The following ZMAT3 variants were observed in gnomAD, a reference collection of about 807,000 sequenced individuals.
The protein encoded by ZMAT3 is zinc finger matrin-type 3.
A neutral mutation model predicts 32.3 loss-of-function variants in ZMAT3; 17 were observed. The ratio of observed to expected loss-of-function variants is 0.53; its 90% CI spans 0.36 to 0.79. The LOEUF (loss-of-function observed/expected upper bound fraction) is 0.79. ZMAT3 is among the 30% of genes least tolerant of loss of function. The probability of loss-of-function intolerance (pLI) is 0.00; values close to 1 mark genes in which losing one functional copy is unlikely to be tolerated. For missense variants in ZMAT3, 329 were observed against 359.7 expected (o/e 0.91, Z 0.69); for synonymous variants, 120 against 133.1 (o/e 0.90, Z 0.68).
chr3:179,043,188 ACC>A (rs1720048190), intron 2 of ZMAT3, among the ~76,000 whole-genome samples: 1 of 152,222 alleles, frequency 6.6e-6, no homozygotes, highest in South Asian at 2.1e-4. Flanking sequence ...CCATCAAGCT[ACC>A]AATGACTTTC....
intron 1 of ZMAT3, among the ~76,000 whole-genome samples, chr3:179,068,629 C>T (rs543674888): frequency 6.6e-6 from 1 of 152,184 alleles, no homozygotes; most frequent in East Asian, 1.9e-4. Flanking sequence ...ACTTATAGAA[C>T]TAGCTAAAAT....
At chr3:179,054,387 T>C (rs78525485) in intron 2 of ZMAT3, among the ~76,000 whole-genome samples, 6,289 of 152,306 alleles carry the variant, frequency 0.041, 173 homozygotes, top group Non-Finnish European at 0.06. Context: ...CAACATCAAA[T>C]ACTAGTCTGA....
In ZMAT3 at chr3:179,046,436, A is replaced by G. The variant is rs907347878; in HGVS notation, c.271-15437T>C. Among the ~76,000 whole-genome samples the G allele has an allele frequency of 1.3e-5, 2 of 152,206 alleles. No homozygotes were observed. The highest frequency in any genetic ancestry group is 2.9e-5 in the Non-Finnish European group (2 of 68,034). On this transcript the variant is annotated intron_variant, in intron 2 of 5. Transcript: ENST00000311417. This position sits in a 1 kb window ranked among gnomAD's most constrained non-coding sequence, Gnocchi z 4.3. ...CTCAGATGGACAGAGCAGTGTGTGG[A>G]GACCCATATCATGAAATTTTGCTCC...
chr3:179,054,064 T>C (rs1166689454), intron 2 of ZMAT3, among the ~76,000 whole-genome samples: 1 of 152,204 alleles, frequency 6.6e-6, no homozygotes, highest in Non-Finnish European at 1.5e-5. Flanking sequence ...CAGGAATTAT[T>C]TGTACTACTT....
chr3:179,035,074 C>T lies in ZMAT3; in HGVS notation c.271-4075G>A, dbSNP rs575007562. Among the ~76,000 whole-genome samples the T allele has an allele frequency of 1.2e-4, 19 of 152,284 alleles. No individual in the cohort carries two copies. In the South Asian group the frequency reaches 3.7e-3, roughly 30 times the overall value. Reference sequence around the variant, plus strand: ...TTCTTGACATGAATCAGTTCCATGTCACTCCCTCACATAAAACTCTTCCAA... The same window carrying T: ...TTCTTGACATGAATCAGTTCCATGTTACTCCCTCACATAAAACTCTTCCAA... On this transcript the variant is annotated intron_variant, in intron 2 of 5. Coordinates refer to ENST00000311417, the MANE Select transcript of ZMAT3 (RefSeq NM_022470.4).
rs1718394406 is a variant in ZMAT3 at position 179,018,694 on chromosome 3, TA to T, written c.*6322del. ...GTGGGCATAAAAATAAAGGCATATG[TA>T]AAAATAATTTTTTCTAAACATGACT... On this transcript the variant is annotated 3_prime_UTR_variant, in exon 6 of 6. Coordinates refer to ENST00000311417, the MANE Select transcript of ZMAT3 (RefSeq NM_022470.4). 1 of 152,166 alleles carries T rather than the reference TA, an allele frequency of 6.6e-6. No homozygotes were observed. The highest frequency in any genetic ancestry group is 2.1e-4 in the South Asian group (1 of 4,822). 9.4% of individuals were successfully genotyped at this position (152,166 alleles called of 1,614,324 possible).
chr3:179,032,826 T>C (rs1450507630), intron 2 of ZMAT3, among the ~76,000 whole-genome samples: 1 of 150,944 alleles, frequency 6.6e-6, no homozygotes, highest in East Asian at 2.0e-4. Context: ...ATCTGGGAAG[T>C]GAGGAGCGTC....
chr3:179,049,451 A>G (rs1720422719), intron 2 of ZMAT3, among the ~76,000 whole-genome samples: 1 of 152,204 alleles, frequency 6.6e-6, no homozygotes, highest in South Asian at 2.1e-4. Context: ...AAGAAAATCG[A>G]ACTTATAGCA....
chr3:179,067,655 A>G lies in ZMAT3; in HGVS notation c.98T>C (p.Leu33Pro). 2 of 1,614,144 alleles carry G rather than the reference A, an allele frequency of 1.2e-6. No individual in the cohort carries two copies. Among genetic ancestry groups the G allele is most frequent in the Non-Finnish European group, 1.7e-6 (2 of 1,180,016 alleles). The change falls in exon 2 of 6, where the codon CTT becomes CCT. Residue 33 changes from leucine (L) to proline (P), a missense_variant. Transcript: ENST00000311417. ...VATRSTGTLQ[L>P]PPQKPFGQEA... ...CTGCCCAAAAGGCTTCTGTGGTGGA[A>G]GCTGCAAGGTTCCTGTAGACCTGGT... is the stretch of plus-strand genomic sequence containing the variant.
chr3:179,065,028 C>G (rs1721334419), intron 2 of ZMAT3, among the ~76,000 whole-genome samples: 1 of 152,174 alleles, frequency 6.6e-6, no homozygotes, highest in Admixed American at 6.5e-5. Flanking sequence ...CCTTAGTTGT[C>G]TGTTAAAACC....
At position 179,024,551 on chromosome 3, in the gene ZMAT3, C is replaced by A. The variant is rs892980435; in HGVS notation, c.*466G>T. ...TTCTACTGACAATGCATTGAGGTGG[C>A]GGTTCTGGTTAAGCCCTGGGAAACT... On this transcript the variant is annotated 3_prime_UTR_variant, in exon 6 of 6. Coordinates refer to ENST00000311417, the MANE Select transcript of ZMAT3 (RefSeq NM_022470.4). 2 of 161,380 alleles carry A rather than the reference C, an allele frequency of 1.2e-5. No individual in the cohort carries two copies. The highest frequency in any genetic ancestry group is 2.8e-5 in the Non-Finnish European group (2 of 72,436). The allele number at this position is 161,380 out of a possible 1,614,324, so 10.0% of individuals were successfully genotyped here.
intron 2 of ZMAT3, among the ~76,000 whole-genome samples, chr3:179,060,111 C>T (rs977138341): frequency 6.6e-6 from 1 of 152,000 alleles, no homozygotes; most frequent in Non-Finnish European, 1.5e-5. Context: ...TGTATGGGAG[C>T]TCTTGTTTTC....
chr3:179,058,539 G>A lies in ZMAT3; in HGVS notation c.270+8944C>T, dbSNP rs374636105. Reference sequence around the variant, plus strand: ...TGGGAGGCCGAGGCGGGCGGATCACGAGGTCAGGAGATCGAGACCATCCTA... The same window carrying A: ...TGGGAGGCCGAGGCGGGCGGATCACAAGGTCAGGAGATCGAGACCATCCTA... On this transcript the variant is annotated intron_variant, in intron 2 of 5. Transcript: ENST00000311417. 4.7e-4 allele frequency among the ~76,000 whole-genome samples: 71 copies of A among 152,174 alleles called. 1 individual carries two copies. The South Asian group carries it at 0.012, about 27-fold the overall frequency.
At chr3:179,040,314 G>A (rs1163840791) in intron 2 of ZMAT3, among the ~76,000 whole-genome samples, 1 of 152,204 alleles carries the variant, frequency 6.6e-6, no homozygotes, top group Non-Finnish European at 1.5e-5. Context: ...AGGAAAAAAT[G>A]TTAAGGGCAG....
intron 2 of ZMAT3, among the ~76,000 whole-genome samples, chr3:179,039,375 C>T (rs181345420): frequency 6.2e-4 from 95 of 152,300 alleles, no homozygotes; most frequent in African/African-American, 2.0e-3. Flanking sequence ...AAGGATCAGG[C>T]AGCAATATTT....
chr3:179,017,532 C>T lies in ZMAT3; in HGVS notation c.*7485G>A, dbSNP rs1167645743. The T allele has an allele frequency of 1.3e-5, 2 of 152,188 alleles. No homozygotes were observed. Among genetic ancestry groups the T allele is most frequent in the African/African-American group, 4.8e-5 (2 of 41,454 alleles). 9.4% of individuals were successfully genotyped at this position (152,188 alleles called of 1,614,324 possible). ...AGCAGTGACTGGCACTCCGACCCAA[C>T]AGCATACACAGATCTTAAGCCTCTG... On this transcript the variant is annotated 3_prime_UTR_variant, in exon 6 of 6. Coordinates refer to ENST00000311417, the MANE Select transcript of ZMAT3 (RefSeq NM_022470.4).
rs989794647 is a variant in ZMAT3, at chr3:179,025,146, G to A, written c.741C>T (p.Tyr247=). The change falls in exon 6 of 6, where the codon TAC becomes TAT. Residue 247 remains tyrosine, a synonymous_variant. Transcript: ENST00000311417. ...AMCVTPSGQF[Y]CSMCNVGAGE... is the part of the protein sequence containing the mutation. Reference sequence around the variant, plus strand: ...CAGCTCCAACATTACACATTGAGCAGTAAAACTGGCCACTTGGAGTAACAC... The same window carrying A: ...CAGCTCCAACATTACACATTGAGCAATAAAACTGGCCACTTGGAGTAACAC... 2.5e-6 allele frequency: 4 copies of A among 1,614,104 alleles called. No individual in the cohort carries two copies. Among genetic ancestry groups the A allele is most frequent in the Non-Finnish European group, 2.5e-6 (3 of 1,180,050 alleles).
At chr3:179,071,170 G>A (rs1387751513) in intron 1 of ZMAT3, among the ~76,000 whole-genome samples, 9 of 152,198 alleles carry the variant, frequency 5.9e-5, no homozygotes, top group African/African-American at 2.2e-4. Flanking sequence ...AGAGGCCTTG[G>A]TGAATTGGCG....
chr3:179,026,480 A>T (rs1462432773), intron 5 of ZMAT3, among the ~76,000 whole-genome samples: 1 of 135,042 alleles, frequency 7.4e-6, no homozygotes, highest in Non-Finnish European at 1.5e-5. Flanking sequence ...TCCACCTCCC[A>T]GGTTCAAGCG....
Sources: allele counts gnomAD v4.1 joint callset (sites outside exome capture counted in the v4.1 genomes callset), GRCh38; gene constraint gnomAD v4.1.1; non-coding constraint Gnocchi (gnomAD v3.1); transcripts MANE v1.5; gene names NCBI Gene and HGNC (gene_info 2026-07-23, HGNC 2026-07-21).